The following PTPRR variants were observed in gnomAD, a reference collection of about 807,000 sequenced individuals.
PTPRR encodes receptor-type tyrosine-protein phosphatase R.
Under a neutral mutation model 77.2 loss-of-function variants are expected in PTPRR, and 38 were observed. The observed-to-expected ratio is 0.49, with a 90% confidence interval of 0.38 to 0.65. The LOEUF is 0.65. PTPRR is among the 30% of genes least tolerant of loss of function. The pLI, the probability that PTPRR is intolerant of heterozygous loss-of-function variation, is 0.00. For missense variants in PTPRR, 744 were observed against 799.2 expected, an observed-to-expected ratio of 0.93 and a Z score of 0.83; for synonymous variants, 299 against 283.1, an observed-to-expected ratio of 1.06 and a Z score of -0.57.
chr12:70,851,889 A>G (rs989395234), intron 2 of PTPRR, among the ~76,000 whole-genome samples: 1 of 152,242 alleles, frequency 6.6e-6, no homozygotes, highest in Non-Finnish European at 1.5e-5. Context: ...GTTTTCATAC[A>G]TTAACAATTT....
chr12:70,914,493 A>G (rs1433397937), intron 1 of PTPRR, among the ~76,000 whole-genome samples: 2 of 152,208 alleles, frequency 1.3e-5, no homozygotes, highest in Non-Finnish European at 2.9e-5. Context: ...AGAACATCTT[A>G]TGAGAAGAGT....
At chr12:70,880,347 C>T (rs939660251) in intron 2 of PTPRR, among the ~76,000 whole-genome samples, 2 of 152,072 alleles carry the variant, frequency 1.3e-5, no homozygotes, top group Non-Finnish European at 2.9e-5. Context: ...AATTTGGGAT[C>T]CTAACACAGT....
intron 6 of PTPRR, among the ~76,000 whole-genome samples, chr12:70,730,345 T>C (rs1889609279): frequency 6.6e-6 from 1 of 152,018 alleles, no homozygotes; most frequent in African/African-American, 2.4e-5. Context: ...ACCCCGTCTC[T>C]ACTAAAAATA....
intron 2 of PTPRR, among the ~76,000 whole-genome samples, chr12:70,888,250 A>G (rs1893275528): frequency 1.3e-5 from 2 of 152,140 alleles, no homozygotes; most frequent in African/African-American, 4.8e-5. Context: ...CATACTATCA[A>G]TGTTTTATGC....
chr12:70,722,127 C>T (rs2136850922), intron 6 of PTPRR, among the ~76,000 whole-genome samples: 1 of 152,258 alleles, frequency 6.6e-6, no homozygotes, highest in South Asian at 2.1e-4. Context: ...CCACCCACTC[C>T]TTTCCTGCTT....
At chr12:70,913,504 T>A (rs1296219432) in intron 1 of PTPRR, among the ~76,000 whole-genome samples, 2 of 152,162 alleles carry the variant, frequency 1.3e-5, no homozygotes, top group Non-Finnish European at 2.9e-5. Flanking sequence ...ACAACTATCA[T>A]GCTATGTTGT....
Position 70,733,488 on chromosome 12 carries a change from A to G in PTPRR, c.1007+12330T>C, listed in dbSNP as rs1209221268. 1.0e-4 allele frequency among the ~76,000 whole-genome samples: 15 copies of G among 144,332 alleles called. 1 individual carries two copies. Among genetic ancestry groups the G allele is most frequent in the African/African-American group, 2.8e-4 (11 of 39,102 alleles). 94.7% of individuals were successfully genotyped at this position (144,332 alleles called of 152,430 possible). A position where few individuals can be genotyped will look rare whatever the true frequency, so the allele number is the denominator to read the frequency against. On this transcript the variant is annotated intron_variant, in intron 6 of 13. Coordinates refer to ENST00000283228, the MANE Select transcript of PTPRR (RefSeq NM_002849.4). ...ATTATGGCAAAAAAAAAAAGAAAAA[A>G]AAAGAAAAAAAAAGATTTCACCTTT... is the stretch of plus-strand genomic sequence containing the variant.
chr12:70,884,570 G>T (rs1489976409), intron 2 of PTPRR, among the ~76,000 whole-genome samples: 1 of 151,792 alleles, frequency 6.6e-6, no homozygotes, highest in African/African-American at 2.4e-5. Context: ...TGGAAATTTT[G>T]GATTAAAAAT....
intron 2 of PTPRR, among the ~76,000 whole-genome samples, chr12:70,775,969 G>T (rs1269962695): frequency 1.3e-5 from 2 of 151,986 alleles, no homozygotes; most frequent in African/African-American, 2.4e-5. Flanking sequence ...CTCTGCACTT[G>T]TCCTCTGCTA....
At chr12:70,751,005 C>T (rs1008512873) in intron 5 of PTPRR, among the ~76,000 whole-genome samples, 1 of 151,836 alleles carries the variant, frequency 6.6e-6, no homozygotes, top group African/African-American at 2.4e-5. Flanking sequence ...CTCCCAAGTG[C>T]AGGGATTACA....
chr12:70,772,582 A>G (rs1442222504), intron 2 of PTPRR, among the ~76,000 whole-genome samples: 2 of 152,116 alleles, frequency 1.3e-5, no homozygotes, highest in Non-Finnish European at 2.9e-5. Flanking sequence ...CCCAGTCAAG[A>G]TGATGGGCCC....
intron 2 of PTPRR, among the ~76,000 whole-genome samples, chr12:70,780,694 C>A (rs1565694439): frequency 6.6e-6 from 1 of 152,162 alleles, no homozygotes; most frequent in Non-Finnish European, 1.5e-5. Flanking sequence ...TGGCTTTCCC[C>A]TTTACATGAT....
At chr12:70,783,218 C>T (rs1214982855) in intron 2 of PTPRR, among the ~76,000 whole-genome samples, 1 of 152,130 alleles carries the variant, frequency 6.6e-6, no homozygotes, top group Non-Finnish European at 1.5e-5. Context: ...AGAGGAGACC[C>T]ACTGTTGATA....
At chr12:70,732,501 C>T (rs1889695568) in intron 6 of PTPRR, among the ~76,000 whole-genome samples, 1 of 152,348 alleles carries the variant, frequency 6.6e-6, no homozygotes, top group East Asian at 1.9e-4. Flanking sequence ...GCCAGGCAAC[C>T]TGCCAGCACC....
chr12:70,904,551 C>T (rs1182477194), intron 1 of PTPRR, among the ~76,000 whole-genome samples: 1 of 151,752 alleles, frequency 6.6e-6, no homozygotes, highest in Non-Finnish European at 1.5e-5. Flanking sequence ...GAGTTGGAGA[C>T]AAAAAGATAG....
chr12:70,678,021 G>A (rs1349020545), intron 10 of PTPRR, among the ~76,000 whole-genome samples: 1 of 152,000 alleles, frequency 6.6e-6, no homozygotes. Flanking sequence ...AAGCCATCAG[G>A]TCCTGGGTTT....
intron 4 of PTPRR, among the ~76,000 whole-genome samples, chr12:70,757,499 A>C (rs550044478): frequency 2.0e-5 from 3 of 152,330 alleles, no homozygotes; most frequent in African/African-American, 7.2e-5. Context: ...GATATCATAT[A>C]CAAATATATA....
At chr12:70,891,083 A>G (rs989811005) in intron 2 of PTPRR, among the ~76,000 whole-genome samples, 1 of 152,166 alleles carries the variant, frequency 6.6e-6, no homozygotes, top group African/African-American at 2.4e-5. Context: ...GTCAGAGGCT[A>G]GGGAAAGCTA....
At chr12:70,872,290 T>A (rs989197303) in intron 2 of PTPRR, among the ~76,000 whole-genome samples, 1 of 152,128 alleles carries the variant, frequency 6.6e-6, no homozygotes, top group Non-Finnish European at 1.5e-5. Flanking sequence ...ATTGAGCATG[T>A]GGACACTGGA....
Sources: gnomAD v4.1 joint callset for allele counts (sites outside exome capture counted in the v4.1 genomes callset) on GRCh38, gnomAD v4.1.1 for gene constraint, MANE v1.5 for transcripts, NCBI Gene and HGNC (gene_info 2026-07-23, HGNC 2026-07-21) for gene names.